Variants in RB1 observed in about 807,000 individuals in gnomAD.
RB1 encodes RB transcriptional corepressor 1.
In RB1, 18 loss-of-function variants were observed where a neutral mutation model predicts 135.4. The ratio of observed to expected loss-of-function variants is 0.13; its 90% CI spans 0.09 to 0.20. RB1 has a LOEUF of 0.20. Ranked by LOEUF, RB1 falls within the 10% of genes least tolerant of loss-of-function variation. RB1 has a pLI of 1.00. For synonymous variants in RB1, 365 were observed against 373.2 expected (o/e 0.98, Z 0.25); for missense variants, 868 against 1,110.0 (o/e 0.78, Z 3.10).
At chr13:48,333,905 T>A (rs575792709) in intron 2 of RB1, among the ~76,000 whole-genome samples, 1 of 152,070 alleles carries the variant, frequency 6.6e-6, no homozygotes, top group Non-Finnish European at 1.5e-5. Context: ...ATATTCATAG[T>A]TGAGATAGGG....
intron 2 of RB1, among the ~76,000 whole-genome samples, chr13:48,314,969 A>G (rs1296162859): frequency 1.3e-5 from 2 of 152,098 alleles, no homozygotes; most frequent in Non-Finnish European, 2.9e-5. Flanking sequence ...TGATGCCTCT[A>G]GCTTTGGTCT....
intron 2 of RB1, chr13:48,317,100 A>G (rs2854345): frequency 0.12 from 107,007 of 865,556 alleles, 9,224 homozygotes; most frequent in South Asian, 0.23. Context: ...CTTCTTCGCC[A>G]GCAAGTGTGG....
chr13:48,445,718 C>G lies in RB1; in HGVS notation c.1696-7275C>G, dbSNP rs571423393. ...TAGGATTTTTCTGAATTTGTCATCA[C>G]ATACTTATTTCCTTGTTTGTGTGCC... is the stretch of plus-strand genomic sequence containing the variant. On this transcript the variant is annotated intron_variant, in intron 17 of 26. Coordinates refer to ENST00000267163, the MANE Select transcript of RB1 (RefSeq NM_000321.3). 2.6e-5 allele frequency among the ~76,000 whole-genome samples: 4 copies of G among 152,156 alleles called. 1 individual carries two copies. The highest frequency in any genetic ancestry group is 2.0e-4 in the Admixed American group (3 of 15,256).
chr13:48,343,069 T>C (rs1219547843), intron 3 of RB1, among the ~76,000 whole-genome samples: 1 of 152,162 alleles, frequency 6.6e-6, no homozygotes, highest in Non-Finnish European at 1.5e-5. Context: ...GAGTTTATCT[T>C]AAAGGTATTT....
chr13:48,443,433 C>CA (rs143646124), intron 17 of RB1, among the ~76,000 whole-genome samples: 1 of 151,922 alleles, frequency 6.6e-6, no homozygotes, highest in East Asian at 1.9e-4. Flanking sequence ...ATTCCACACT[C>CA]AAAAAATATT....
chr13:48,464,958 C>CTTTTTTTTTAT, intron 21 of RB1, 40 bp from the exon 22 acceptor site: 1 of 831,616 alleles, frequency 1.2e-6, no homozygotes, highest in Non-Finnish European at 1.6e-6. Context: ...GTAAATTTTA[C>CTTTTTTTTTAT]TTTTTTTTTT....
At chr13:48,351,656 G>A (rs1952549220) in intron 6 of RB1, among the ~76,000 whole-genome samples, 1 of 151,580 alleles carries the variant, frequency 6.6e-6, no homozygotes, top group African/African-American at 2.4e-5. Flanking sequence ...TGAAGACTTT[G>A]CCTGTTCCTA....
At chr13:48,385,614 G>C (rs79825737) in intron 17 of RB1, among the ~76,000 whole-genome samples, 1 of 152,118 alleles carries the variant, frequency 6.6e-6, no homozygotes, top group Non-Finnish European at 1.5e-5. Flanking sequence ...TCCTGCAAGG[G>C]AAAGAGCCAA....
At chr13:48,360,173 G>T (rs1952626760) in intron 7 of RB1, 46 bp downstream of exon 7, 1 of 1,607,644 alleles carries the variant, frequency 6.2e-7, no homozygotes. Flanking sequence ...TTCAGCAGTT[G>T]CTTATTGAAT....
At chr13:48,317,493 G>C (rs1251523634) in intron 2 of RB1, 2 of 455,920 alleles carry the variant, frequency 4.4e-6, no homozygotes, top group Non-Finnish European at 8.0e-6. Context: ...GGCTCCCGCA[G>C]CCCATGTGAA....
At chr13:48,376,233 G>A (rs1474435693) in intron 12 of RB1, among the ~76,000 whole-genome samples, 1 of 152,034 alleles carries the variant, frequency 6.6e-6, no homozygotes, top group Non-Finnish European at 1.5e-5. Context: ...GGGCATGGTG[G>A]CTCACACCTG....
chr13:48,351,239 G>A (rs1239518367), intron 6 of RB1, among the ~76,000 whole-genome samples: 2 of 152,134 alleles, frequency 1.3e-5, no homozygotes, highest in Non-Finnish European at 2.9e-5. Flanking sequence ...AACCTCACCA[G>A]TATCTGTTAT....
intron 17 of RB1, among the ~76,000 whole-genome samples, 162 bp from the exon 18 acceptor site, chr13:48,452,831 A>G (rs1310620498): frequency 6.6e-6 from 1 of 152,130 alleles, no homozygotes; most frequent in Non-Finnish European, 1.5e-5. Context: ...TCAATTGGGA[A>G]TTTCGAAGTA....
intron 13 of RB1, among the ~76,000 whole-genome samples, chr13:48,378,580 CTT>C (rs78361349): frequency 5.6e-5 from 8 of 142,796 alleles, no homozygotes; most frequent in Non-Finnish European, 4.6e-5. Flanking sequence ...TTACATTTAA[CTT>C]TTTTTTTTTT....
chr13:48,415,183 T>G (rs898329510), intron 17 of RB1, among the ~76,000 whole-genome samples: 1 of 152,308 alleles, frequency 6.6e-6, no homozygotes, highest in African/African-American at 2.4e-5. Context: ...TAAAATTTAT[T>G]AATTCTACTT....
At chr13:48,387,431 A>C (rs1002322219) in intron 17 of RB1, among the ~76,000 whole-genome samples, 8 of 152,206 alleles carry the variant, frequency 5.3e-5, no homozygotes, top group Non-Finnish European at 1.0e-4. Context: ...TGTTGAAAGA[A>C]GCCAGTCACA....
chr13:48,370,356 C>T (rs566553684), intron 11 of RB1, among the ~76,000 whole-genome samples: 1 of 152,210 alleles, frequency 6.6e-6, no homozygotes, highest in East Asian at 1.9e-4. Context: ...TAATTTACTT[C>T]TGACACTGCT....
intron 17 of RB1, among the ~76,000 whole-genome samples, chr13:48,432,302 C>T (rs1232840477): frequency 3.9e-5 from 6 of 152,144 alleles, no homozygotes; most frequent in African/African-American, 9.7e-5. Flanking sequence ...TTCATGTCCC[C>T]AAGATCTTTG....
At chr13:48,434,590 G>T (rs1203007466) in intron 17 of RB1, among the ~76,000 whole-genome samples, 1 of 152,028 alleles carries the variant, frequency 6.6e-6, no homozygotes, top group Non-Finnish European at 1.5e-5. Context: ...CTCTTTCTCA[G>T]CCCAGGAACA....
Sources: gnomAD v4.1 joint callset for allele counts (sites outside exome capture counted in the v4.1 genomes callset) on GRCh38, gnomAD v4.1.1 for gene constraint, MANE v1.5 for transcripts, NCBI Gene and HGNC (gene_info 2026-07-23, HGNC 2026-07-21) for gene names.